SGTA: variants seen among roughly 807,000 people sequenced by gnomAD.
The protein encoded by SGTA is small glutamine rich tetratricopeptide repeat co-chaperone alpha.
SGTA carries 22 observed loss-of-function variants against 44.3 expected under a neutral mutation model. That is an observed-to-expected ratio of 0.50 (90% CI 0.36 to 0.71). SGTA has a LOEUF of 0.71. Among genes scored for constraint, SGTA ranks in the 30% least tolerant of loss-of-function variants. The pLI, the probability that SGTA is intolerant of heterozygous loss-of-function variation, is 0.00. For synonymous variants in SGTA, 174 were observed against 177.6 expected, an observed-to-expected ratio of 0.98 and a Z score of 0.16; for missense variants, 341 against 435.9, an observed-to-expected ratio of 0.78 and a Z score of 1.94.
chr19:2,782,629 C>T (rs1395490168), intron 1 of SGTA: 2 of 152,208 alleles, frequency 1.3e-5, no homozygotes, highest in Non-Finnish European at 2.9e-5. Flanking sequence ...AGATTTCCCC[C>T]ACCTCTAGCA....
At chr19:2,775,480 C>G (rs1235855356) in intron 1 of SGTA, among the ~76,000 whole-genome samples, 1 of 152,266 alleles carries the variant, frequency 6.6e-6, no homozygotes. Flanking sequence ...GTCCCAGACA[C>G]ACTGGGTGTG....
chr19:2,781,843 A>ATTTTTT (rs145357262), intron 1 of SGTA, among the ~76,000 whole-genome samples: 1 of 142,804 alleles, frequency 7.0e-6, no homozygotes. Context: ...TCTAGGGTAG[A>ATTTTTT]TTTTTTTTTT....
chr19:2,772,198 C>T (rs1413880202), intron 1 of SGTA, among the ~76,000 whole-genome samples: 4 of 152,224 alleles, frequency 2.6e-5, no homozygotes, highest in Admixed American at 6.5e-5. Context: ...ATCAGACGCT[C>T]GGATTCAGGC....
At chr19:2,774,426 G>C (rs1264103984) in intron 1 of SGTA, among the ~76,000 whole-genome samples, 1 of 152,180 alleles carries the variant, frequency 6.6e-6, no homozygotes, top group Non-Finnish European at 1.5e-5. Flanking sequence ...GGAGCCAGCT[G>C]CCCGAGGGGC....
At position 2,765,277 on chromosome 19, in the gene SGTA, G is replaced by C. The variant is rs748995269; in HGVS notation, c.301C>G (p.Gln101Glu). 1 of 1,609,952 alleles carries C rather than the reference G, an allele frequency of 6.2e-7. No individual in the cohort carries two copies. The highest frequency in any genetic ancestry group is 1.4e-5 in the African/African-American group (1 of 72,246). Residue 101 changes from glutamine to glutamate, a missense_variant, in exon 5 of 12, where the codon CAG becomes GAG. Physicochemically the swap from Gln to Glu is conservative, Grantham distance 29 (BLOSUM62 2). Coordinates refer to ENST00000221566, the MANE Select transcript of SGTA (RefSeq NM_003021.4). The surrounding 1 kb of genome is among the most constrained non-coding windows in gnomAD (Gnocchi z 5.5). ...AERLKTEGNE[Q>E]MKVENFEAAV... ...GCTTCAAAGTTTTCCACTTTCATCTGCTCGTTTCCTACAGGGAGAGAGGAA... is the reference window on the plus strand; with the variant it reads ...GCTTCAAAGTTTTCCACTTTCATCTCCTCGTTTCCTACAGGGAGAGAGGAA...
chr19:2,755,756 G>A lies in SGTA; in HGVS notation c.*184C>T. On this transcript the variant is annotated 3_prime_UTR_variant, in exon 12 of 12. Transcript: ENST00000221566. The surrounding 1 kb of genome is among the most constrained non-coding windows in gnomAD (Gnocchi z 5.2). ...TTCAAGAAGGGTCTGGGGGCTGTAA[G>A]GGAGTTACAAAAAGGGAGTGGAGGA... 2 of 985,548 alleles carry A rather than the reference G, an allele frequency of 2.0e-6. No homozygotes were observed. Among genetic ancestry groups the A allele is most frequent in the Non-Finnish European group, 2.4e-6 (2 of 830,020 alleles). The allele number at this position is 985,548 out of a possible 1,614,324, so 61.1% of individuals were successfully genotyped here.
chr19:2,779,525 G>A (rs908959452), intron 1 of SGTA, among the ~76,000 whole-genome samples: 6 of 152,224 alleles, frequency 3.9e-5, no homozygotes, highest in Admixed American at 6.5e-5. Flanking sequence ...ACAACTTGTA[G>A]GGTTTGGCTG....
intron 1 of SGTA, among the ~76,000 whole-genome samples, chr19:2,779,659 C>G (rs891656648): frequency 3.3e-5 from 5 of 152,254 alleles, no homozygotes; most frequent in African/African-American, 1.2e-4. Context: ...TGGGAGGGTG[C>G]TGGCCCATGG....
rs1914803042 is a variant in SGTA, at chr19:2,755,685, G to A, written c.*255C>T. 3.0e-6 allele frequency: 3 copies of A among 985,450 alleles called. No individual in the cohort carries two copies. Among genetic ancestry groups the A allele is most frequent in the South Asian group, 9.4e-5 (2 of 21,296 alleles). The allele number at this position is 985,450 out of a possible 1,614,324, so 61.0% of individuals were successfully genotyped here. A position where few individuals can be genotyped will look rare whatever the true frequency, so the allele number is the denominator to read the frequency against. The stretch of plus-strand genomic sequence containing the variant: ...CAAGTGACCGAGCTTTCTGGGGGCT[G>A]GAAGGGAGGTCGCTGCTGGTCTGTG... On this transcript the variant is annotated 3_prime_UTR_variant, in exon 12 of 12. Transcript: ENST00000221566. This position sits in a 1 kb window ranked among gnomAD's most constrained non-coding sequence, Gnocchi z 5.2.
At chr19:2,779,290 G>A (rs1225409868) in intron 1 of SGTA, among the ~76,000 whole-genome samples, 1 of 152,090 alleles carries the variant, frequency 6.6e-6, no homozygotes, top group Non-Finnish European at 1.5e-5. Context: ...TCAACTAAGG[G>A]AAGCACAGGC....
rs1159857295 is a variant in SGTA at position 2,757,764 on chromosome 19, C to G, written c.756G>C (p.Ser252=). 1 of 1,601,718 alleles carries G rather than the reference C, an allele frequency of 6.2e-7. No homozygotes were observed. Among genetic ancestry groups the G allele is most frequent in the Non-Finnish European group, 8.5e-7 (1 of 1,174,736 alleles). Reference sequence around the variant, plus strand: ...GAGTTCCCAAGGGGTTGTTGCCACCCGAAATCATGCCGGACATGCTGCAGG... The same window carrying G: ...GAGTTCCCAAGGGGTTGTTGCCACCGGAAATCATGCCGGACATGCTGCAGG... ...QIQQLMSGMI[S]GGNNPLGTPG... is the part of the protein sequence containing the mutation. Residue 252 remains serine, a synonymous_variant, in exon 10 of 12, where the codon TCG becomes TCC. Transcript: ENST00000221566.
chr19:2,762,085 C>T (rs933759754), intron 7 of SGTA, among the ~76,000 whole-genome samples: 5 of 152,164 alleles, frequency 3.3e-5, no homozygotes, highest in African/African-American at 1.2e-4. Flanking sequence ...AACCCACACC[C>T]TCAGCACCTC....
intron 9 of SGTA, 145 bp downstream of exon 9, chr19:2,759,112 G>C: frequency 2.9e-6 from 2 of 686,846 alleles, no homozygotes; most frequent in African/African-American, 2.0e-5. Context: ...GTGTGATAGT[G>C]GTGACAGTTG....
At chr19:2,780,576 G>A (rs779692740) in intron 1 of SGTA, among the ~76,000 whole-genome samples, 5 of 152,200 alleles carry the variant, frequency 3.3e-5, no homozygotes, top group Non-Finnish European at 5.9e-5. Flanking sequence ...CGCCAGGAGA[G>A]AATCTAGTAT....
Position 2,765,018 on chromosome 19 carries a change from C to T in SGTA, c.392+168G>A, listed in dbSNP as rs780195908. Among the ~76,000 whole-genome samples, 10 of 152,122 alleles carry T rather than the reference C, an allele frequency of 6.6e-5. No homozygotes were observed. The highest frequency in any genetic ancestry group is 1.3e-4 in the Non-Finnish European group (9 of 68,032). On this transcript the variant is annotated intron_variant, in intron 5 of 11. Coordinates refer to ENST00000221566, the MANE Select transcript of SGTA (RefSeq NM_003021.4). The surrounding 1 kb of genome is among the most constrained non-coding windows in gnomAD (Gnocchi z 5.5). ...ATTTTAAATCAGCATCGACTCTCCC[C>T]GACCCCGTTGCTGGTCACCTGATGC...
Position 2,765,162 on chromosome 19 carries a change from C to T in SGTA, c.392+24G>A, listed in dbSNP as rs1915103003. 3.1e-6 allele frequency: 5 copies of T among 1,594,318 alleles called. No homozygotes were observed. The highest frequency in any genetic ancestry group is 4.3e-6 in the Non-Finnish European group (5 of 1,162,268). On this transcript the variant is annotated intron_variant, in intron 5 of 11. Coordinates refer to ENST00000221566, the MANE Select transcript of SGTA (RefSeq NM_003021.4). This position sits in a 1 kb window ranked among gnomAD's most constrained non-coding sequence, Gnocchi z 5.5. ...CGCCCCCGCACCCGGCCGCCCCTGCCCTGGGCAGGCCCTGAGCTGGTACCT... is the reference window on the plus strand; with the variant it reads ...CGCCCCCGCACCCGGCCGCCCCTGCTCTGGGCAGGCCCTGAGCTGGTACCT...
At chr19:2,771,701 C>G (rs1203030484) in intron 1 of SGTA, among the ~76,000 whole-genome samples, 5 of 152,292 alleles carry the variant, frequency 3.3e-5, no homozygotes, top group Middle Eastern at 3.4e-3. Flanking sequence ...TGAGGCTATT[C>G]CAGAAACGCT....
Position 2,763,248 on chromosome 19 carries a change from G to A in SGTA, c.497+405C>T, listed in dbSNP as rs1050161334. ...ACGCTTATGCTGGGAGGGCGGCACC[G>A]GCTGCACGGGGCGCAGGCTCCTGCC... is the stretch of plus-strand genomic sequence containing the variant. On this transcript the variant is annotated intron_variant, in intron 6 of 11. Coordinates refer to ENST00000221566, the MANE Select transcript of SGTA (RefSeq NM_003021.4). This position sits in a 1 kb window ranked among gnomAD's most constrained non-coding sequence, Gnocchi z 5.8. 1.3e-5 allele frequency among the ~76,000 whole-genome samples: 2 copies of A among 152,200 alleles called. No homozygotes were observed. Among genetic ancestry groups the A allele is most frequent in the Non-Finnish European group, 2.9e-5 (2 of 68,024 alleles).
intron 1 of SGTA, among the ~76,000 whole-genome samples, chr19:2,769,980 C>T (rs1406499565): frequency 2.6e-5 from 2 of 76,538 alleles, no homozygotes; most frequent in Admixed American, 1.2e-4. Flanking sequence ...CCCCCTCGGA[C>T]ACCCGCCTGG....
Sources: allele counts gnomAD v4.1 joint callset (sites outside exome capture counted in the v4.1 genomes callset), GRCh38; gene constraint gnomAD v4.1.1; non-coding constraint Gnocchi (gnomAD v3.1); transcripts MANE v1.5; gene names NCBI Gene and HGNC (gene_info 2026-07-23, HGNC 2026-07-21).